CDC16: variants seen among roughly 807,000 people sequenced by gnomAD.
The protein encoded by CDC16 is cell division cycle 16, also known as cell division cycle protein 16 homolog.
In CDC16, 34 loss-of-function variants were observed where a neutral mutation model predicts 87.0. The observed-to-expected ratio is 0.39, with a 90% CI of 0.30 to 0.52. The LOEUF is 0.52. CDC16 is among the 20% of genes least tolerant of loss of function. The pLI is 0.74. For synonymous variants in CDC16, 263 were observed against 260.6 expected (o/e 1.01, Z -0.09); for missense variants, 653 against 751.9 (o/e 0.87, Z 1.54).
Position 114,239,331 on chromosome 13 carries a change from A to G in CDC16, c.241-19A>G. On this transcript the variant is annotated intron_variant, in intron 4 of 17. Transcript: ENST00000356221. ...TTAGAAGTCGTGAGTGATGAGCGGC[A>G]CTTCTGTTTTCCACGTAGTATGCTG... 1 of 1,582,754 alleles carries G rather than the reference A, an allele frequency of 6.3e-7. No homozygotes were observed. Among genetic ancestry groups the G allele is most frequent in the African/African-American group, 1.3e-5 (1 of 74,124 alleles).
intron 5 of CDC16, among the ~76,000 whole-genome samples, chr13:114,239,965 A>G (rs2081461757): frequency 6.6e-6 from 1 of 152,192 alleles, no homozygotes; most frequent in Non-Finnish European, 1.5e-5. Flanking sequence ...GGCAGACATC[A>G]TATAGTAACT....
At chr13:114,239,301 T>C (rs746879006) in intron 4 of CDC16, 49 bp from the exon 5 acceptor site, 2 of 1,558,158 alleles carry the variant, frequency 1.3e-6, no homozygotes, top group East Asian at 4.5e-5. Context: ...ATCATGTGTT[T>C]CGTGTTAGAA....
At chr13:114,269,169 A>C (rs1279951409) in intron 17 of CDC16, among the ~76,000 whole-genome samples, 1 of 151,998 alleles carries the variant, frequency 6.6e-6, no homozygotes, top group African/African-American at 2.4e-5. Flanking sequence ...CTAAAATGGT[A>C]CCATTCTCCA....
rs17338389 is a variant in CDC16 at position 114,271,258 on chromosome 13, T to C, written c.1604-926T>C. Reference sequence around the variant, plus strand: ...TCATGTCATTTTTATTTTTAGAAAGTTTGCATGTCATTATCTGCCAAACTA... The same window carrying C: ...TCATGTCATTTTTATTTTTAGAAAGCTTGCATGTCATTATCTGCCAAACTA... On this transcript the variant is annotated intron_variant, in intron 17 of 17. Coordinates refer to ENST00000356221, the MANE Select transcript of CDC16 (RefSeq NM_001078645.3). Among the ~76,000 whole-genome samples the C allele has an allele frequency of 2.6e-3, 392 of 152,230 alleles. 3 individuals carry two copies. The highest frequency in any genetic ancestry group is 0.019 in the Admixed American group (290 of 15,288).
rs745762677 is a variant in CDC16 at position 114,244,976 on chromosome 13, CTTTTTTT to C, written c.847+9_847+15del. 6.6e-7 allele frequency: 1 copy of C among 1,506,294 alleles called. No individual in the cohort carries two copies. The highest frequency in any genetic ancestry group is 2.3e-5 in the East Asian group (1 of 43,256). 93.3% of individuals were successfully genotyped at this position (1,506,294 alleles called of 1,614,324 possible). A position where few individuals can be genotyped will look rare whatever the true frequency, so the allele number is the denominator to read the frequency against. On this transcript the variant is annotated splice_region_variant and intron_variant, in intron 9 of 17. Coordinates refer to ENST00000356221, the MANE Select transcript of CDC16 (RefSeq NM_001078645.3). ...GAGCTGAATAAAGCCAATGGTAAGA[CTTTTTTT>C]TAAATTAAAGTAATTCTTAGACATA... is the stretch of plus-strand genomic sequence containing the variant.
intron 3 of CDC16, among the ~76,000 whole-genome samples, chr13:114,237,995 CT>C (rs2081339577): frequency 6.6e-6 from 1 of 152,246 alleles, no homozygotes; most frequent in Non-Finnish European, 1.5e-5. Flanking sequence ...TCTCTCCACT[CT>C]GCGTCTAATC....
chr13:114,262,389 T>C lies in CDC16; in HGVS notation c.1376+441T>C, dbSNP rs562032921. On this transcript the variant is annotated intron_variant, in intron 15 of 17. Transcript: ENST00000356221. ...GTCTTTACTATGTATTACGAACTTA[T>C]AGCATTTTCCAAAGTTTAATTGAGC... 1.1e-4 allele frequency among the ~76,000 whole-genome samples: 16 copies of C among 152,338 alleles called. No homozygotes were observed. The East Asian group carries it at 1.5e-3, about 15-fold the overall frequency.
intron 17 of CDC16, among the ~76,000 whole-genome samples, chr13:114,265,876 C>T (rs542078446): frequency 1.1e-3 from 160 of 151,716 alleles, no homozygotes; most frequent in Middle Eastern, 3.4e-3. Context: ...AGTGCAATGG[C>T]GCAACCTCTG....
intron 11 of CDC16, among the ~76,000 whole-genome samples, chr13:114,247,836 A>G (rs568113847): frequency 1.3e-5 from 2 of 152,294 alleles, no homozygotes; most frequent in South Asian, 2.1e-4. Flanking sequence ...ATATCGCACC[A>G]TTGCACTCCA....
chr13:114,239,541 A>G, intron 5 of CDC16, 51 bp downstream of exon 5: 1 of 1,446,184 alleles, frequency 6.9e-7, no homozygotes, highest in Non-Finnish European at 9.2e-7. Flanking sequence ...AATTGCCCTC[A>G]TTACGTGGCA....
rs57236351 is a variant in CDC16, at chr13:114,237,222, C to CA, written c.201+339dup. ...TGGACAACAGAGCAAGACTCTGTCT[C>CA]AAAAAAAAAAAAAGTCATTAGGGTT... is the stretch of plus-strand genomic sequence containing the variant. On this transcript the variant is annotated intron_variant, in intron 3 of 17. Coordinates refer to ENST00000356221, the MANE Select transcript of CDC16 (RefSeq NM_001078645.3). Among the ~76,000 whole-genome samples the CA allele has an allele frequency of 3.3e-3, 444 of 135,344 alleles. 4 individuals carry two copies. The highest frequency in any genetic ancestry group is 8.6e-3 in the African/African-American group (319 of 37,066). 88.8% of individuals were successfully genotyped at this position (135,344 alleles called of 152,430 possible).
intron 13 of CDC16, among the ~76,000 whole-genome samples, chr13:114,257,833 C>T (rs2082602876): frequency 6.6e-6 from 1 of 152,116 alleles, no homozygotes; most frequent in Non-Finnish European, 1.5e-5. Flanking sequence ...GTTGCCCAGG[C>T]TAGAGTGCAG....
chr13:114,238,921 T>C (rs1042148909), intron 3 of CDC16, 69 bp from the exon 4 acceptor site: 4 of 1,539,598 alleles, frequency 2.6e-6, no homozygotes, highest in African/African-American at 1.4e-5. Flanking sequence ...TTTATGCTTA[T>C]GGCTTTCTTT....
intron 10 of CDC16, 39 bp downstream of exon 10, chr13:114,246,088 T>A (rs745940569): frequency 6.3e-6 from 6 of 952,208 alleles, no homozygotes; most frequent in East Asian, 5.1e-5. Flanking sequence ...TTTTTTTTTT[T>A]ACCTGTACTT....
intron 11 of CDC16, among the ~76,000 whole-genome samples, chr13:114,249,299 A>G (rs1051111123): frequency 2.0e-5 from 3 of 151,622 alleles, no homozygotes; most frequent in Non-Finnish European, 4.4e-5. Context: ...CGGAAATGCA[A>G]GTGAAGGGGA....
At chr13:114,235,910 C>T (rs957042539) in intron 1 of CDC16, among the ~76,000 whole-genome samples, 1 of 152,126 alleles carries the variant, frequency 6.6e-6, no homozygotes, top group Non-Finnish European at 1.5e-5. Context: ...TATGACAGGC[C>T]CGGTTTCCAG....
rs148849271 is a variant in CDC16 at position 114,242,216 on chromosome 13, T to C, written c.477T>C (p.Leu159=). 12 of 1,614,158 alleles carry C rather than the reference T, an allele frequency of 7.4e-6. No individual in the cohort carries two copies. In the African/African-American group the frequency reaches 1.5e-4, roughly 20 times the overall value. Residue 159 remains leucine (L), a synonymous_variant, in exon 6 of 18, where the codon CTT becomes CTC. Coordinates refer to ENST00000356221, the MANE Select transcript of CDC16 (RefSeq NM_001078645.3). Reference sequence around the variant, plus strand: ...ACAGCTACAAAGAAGCTTTGAAGCTTGATGTCTACTGTTTTGAAGCGTTCG... The same window carrying C: ...ACAGCTACAAAGAAGCTTTGAAGCTCGATGTCTACTGTTTTGAAGCGTTCG... The part of the protein sequence containing the change: ...ATYSYKEALK[L]DVYCFEAFDL...
intron 11 of CDC16, among the ~76,000 whole-genome samples, chr13:114,249,659 A>G (rs912250034): frequency 1.3e-5 from 2 of 152,206 alleles, no homozygotes; most frequent in Non-Finnish European, 2.9e-5. Flanking sequence ...TAACCAGGGT[A>G]TATCTGTTGA....
Position 114,265,199 on chromosome 13 carries a change from A to G in CDC16, c.1562A>G (p.His521Arg). 6.2e-7 allele frequency: 1 copy of G among 1,612,400 alleles called. No individual in the cohort carries two copies. Among genetic ancestry groups the G allele is most frequent in the Non-Finnish European group, 8.5e-7 (1 of 1,178,456 alleles). ...ACATTTTCTGTTACAATGCTTGGTCATTGCATCGAAATGTACATTGGTGAT... is the reference window on the plus strand; with the variant it reads ...ACATTTTCTGTTACAATGCTTGGTCGTTGCATCGAAATGTACATTGGTGAT... Reference protein sequence around the residue: ...DDTFSVTMLGHCIEMYIGDSE... With the variant: ...DDTFSVTMLGRCIEMYIGDSE... Residue 521 changes from histidine (H) to arginine (R), a missense_variant, in exon 17 of 18, where the codon CAT becomes CGT. Physicochemically the swap from His to Arg is conservative, Grantham distance 29. Coordinates refer to ENST00000356221, the MANE Select transcript of CDC16 (RefSeq NM_001078645.3).
Sources: allele counts gnomAD v4.1 joint callset (sites outside exome capture counted in the v4.1 genomes callset), GRCh38; gene constraint gnomAD v4.1.1; transcripts MANE v1.5; gene names NCBI Gene and HGNC (gene_info 2026-07-23, HGNC 2026-07-21).